The following KLHL2 variants were observed in gnomAD, a reference collection of about 807,000 sequenced individuals.
KLHL2 encodes kelch like family member 2, also known as kelch-like protein 2.
Under a neutral mutation model 75.8 loss-of-function variants are expected in KLHL2, and 15 were observed. The ratio of observed to expected loss-of-function variants is 0.20; its 90% CI spans 0.13 to 0.30. The LOEUF (loss-of-function observed/expected upper bound fraction) is 0.30, where lower values mean the gene tolerates loss of function less well. KLHL2 is among the 10% of genes least tolerant of loss of function. The pLI is 1.00. For missense variants in KLHL2, 381 were observed against 741.0 expected, an observed-to-expected ratio of 0.51 and a Z score of 5.64; for synonymous variants, 214 against 251.9, an observed-to-expected ratio of 0.85 and a Z score of 1.42.
intron 3 of KLHL2, among the ~76,000 whole-genome samples, chr4:165,235,726 A>T (rs1739292064): frequency 1.3e-5 from 2 of 151,842 alleles, no homozygotes; most frequent in Admixed American, 6.6e-5. Flanking sequence ...ACTGTACCTA[A>T]TCCAGCCATG....
rs1354843475 is a variant in KLHL2 at position 165,210,107 on chromosome 4, AAGTC to A, written c.26+2207_26+2210del. 6 of 1,551,588 alleles carry A rather than the reference AAGTC, an allele frequency of 3.9e-6. No individual in the cohort carries two copies. The East Asian group carries it at 9.8e-5, about 25-fold the overall frequency. ...AAGTTAGATTTTTAGCCTGAGCTTT[AAGTC>A]AAAGAAAGATGACCTGGACTTAAAG... On this transcript the variant is annotated intron_variant, in intron 1 of 14. Transcript: ENST00000226725.
At chr4:165,217,909 C>T (rs1292194138) in intron 1 of KLHL2, among the ~76,000 whole-genome samples, 1 of 152,164 alleles carries the variant, frequency 6.6e-6, no homozygotes, top group Non-Finnish European at 1.5e-5. Context: ...CAAACAGTTT[C>T]CACCTGCAGC....
intron 5 of KLHL2, chr4:165,278,982 A>G (rs764974276): frequency 6.7e-7 from 1 of 1,496,488 alleles, no homozygotes; most frequent in South Asian, 1.1e-5. Flanking sequence ...ATTCCAAAAA[A>G]TTCACAGAGT....
chr4:165,310,933 C>A (rs1006879259), intron 10 of KLHL2, among the ~76,000 whole-genome samples, 183 bp downstream of exon 10: 1 of 149,992 alleles, frequency 6.7e-6, no homozygotes, highest in African/African-American at 2.5e-5. Context: ...CGGCTCACTG[C>A]AAGCTCCGCC....
At chr4:165,264,755 TATATATATATAA>T (rs1560784330) in intron 5 of KLHL2, among the ~76,000 whole-genome samples, 70 of 90,802 alleles carry the variant, frequency 7.7e-4, no homozygotes, top group African/African-American at 3.2e-3. Flanking sequence ...TATATATATA[TATATATATATAA>T]AACATTATCC....
chr4:165,272,921 A>G (rs1742809495), intron 5 of KLHL2, among the ~76,000 whole-genome samples: 1 of 152,160 alleles, frequency 6.6e-6, no homozygotes, highest in African/African-American at 2.4e-5. Context: ...AGAAGCATTG[A>G]TTCTTCATTT....
chr4:165,291,921 C>A (rs915742351), intron 5 of KLHL2, among the ~76,000 whole-genome samples: 4 of 152,096 alleles, frequency 2.6e-5, no homozygotes, highest in African/African-American at 9.7e-5. Context: ...CCTCAAACTC[C>A]TCTGCTTAGG....
At chr4:165,260,215 A>ATCATAAAACCC (rs1741536949) in intron 4 of KLHL2, among the ~76,000 whole-genome samples, 2 of 152,226 alleles carry the variant, frequency 1.3e-5, no homozygotes, top group Non-Finnish European at 2.9e-5. Context: ...GTAAAACTAC[A>ATCATAAAACCC]TCATAAAACC....
At chr4:165,301,232 G>T (rs1745327575) in intron 8 of KLHL2, among the ~76,000 whole-genome samples, 1 of 152,164 alleles carries the variant, frequency 6.6e-6, no homozygotes, top group Admixed American at 6.5e-5. Flanking sequence ...AATTTGGCAT[G>T]ACTTTTTAAA....
In KLHL2 at chr4:165,322,318, T is replaced by C. The variant is rs1220645211; in HGVS notation, c.*258T>C. 2.3e-6 allele frequency: 1 copy of C among 428,608 alleles called. No individual in the cohort carries two copies. The highest frequency in any genetic ancestry group is 3.8e-5 in the East Asian group (1 of 26,110). The allele number at this position is 428,608 out of a possible 1,614,324, so 26.6% of individuals were successfully genotyped here. A position where few individuals can be genotyped will look rare whatever the true frequency, so the allele number is the denominator to read the frequency against. ...GGACTGCAGGACTTAATCTGTAGTC[T>C]TTAGACAACAGTTGCTTTCATAAAG... On this transcript the variant is annotated 3_prime_UTR_variant, in exon 15 of 15. Transcript: ENST00000226725.
At chr4:165,310,182 G>A (rs999585987) in intron 9 of KLHL2, among the ~76,000 whole-genome samples, 6 of 152,092 alleles carry the variant, frequency 3.9e-5, no homozygotes, top group Admixed American at 2.6e-4. Context: ...AAAATTAGTT[G>A]GGTGTGGTGG....
intron 1 of KLHL2, among the ~76,000 whole-genome samples, chr4:165,216,958 A>G (rs1013048503): frequency 5.9e-5 from 9 of 152,334 alleles, no homozygotes; most frequent in East Asian, 1.9e-4. Flanking sequence ...CAATGTGGGC[A>G]TTGATTGTTG....
intron 5 of KLHL2, among the ~76,000 whole-genome samples, chr4:165,268,116 T>G (rs1742386181): frequency 6.6e-6 from 1 of 152,356 alleles, no homozygotes; most frequent in South Asian, 2.1e-4. Context: ...TTTATAGTAT[T>G]CTCTCATGGT....
chr4:165,295,129 C>T (rs754351242), intron 6 of KLHL2, among the ~76,000 whole-genome samples: 2 of 152,108 alleles, frequency 1.3e-5, no homozygotes, highest in Non-Finnish European at 2.9e-5. Context: ...CTGCACTTTT[C>T]GTATAGTTGG....
chr4:165,321,972 T>C, intron 14 of KLHL2, 60 bp from the exon 15 acceptor site: 1 of 1,476,766 alleles, frequency 6.8e-7, no homozygotes, highest in Admixed American at 1.7e-5. Context: ...TTGAGTGTTT[T>C]CTCAGAGATA....
intron 4 of KLHL2, among the ~76,000 whole-genome samples, chr4:165,257,917 G>A (rs1513064): frequency 0.29 from 43,232 of 149,256 alleles, 6,659 homozygotes; most frequent in African/African-American, 0.36. Flanking sequence ...AAATGAAATG[G>A]AGCAGTGCTG....
chr4:165,208,813 A>G (rs1737013902), intron 1 of KLHL2, among the ~76,000 whole-genome samples: 1 of 152,162 alleles, frequency 6.6e-6, no homozygotes, highest in Admixed American at 6.5e-5. Context: ...CCTCATCCTG[A>G]AGAATGGTTT....
At position 165,301,737 on chromosome 4, in the gene KLHL2, A is replaced by T. The variant is rs557849525; in HGVS notation, c.921+2081A>T. On this transcript the variant is annotated intron_variant, in intron 8 of 14. Transcript: ENST00000226725. Reference sequence around the variant, plus strand: ...AAGTCTTTCCAACTTCCTTCTAAATAATGTGCTATATCTTTAATACTTTTT... The same window carrying T: ...AAGTCTTTCCAACTTCCTTCTAAATTATGTGCTATATCTTTAATACTTTTT... Among the ~76,000 whole-genome samples the T allele has an allele frequency of 2.0e-5, 3 of 152,324 alleles. No homozygotes were observed. The South Asian group carries it at 6.2e-4, about 32-fold the overall frequency.
At chr4:165,289,528 T>C (rs1744347442) in intron 5 of KLHL2, among the ~76,000 whole-genome samples, 1 of 149,492 alleles carries the variant, frequency 6.7e-6, no homozygotes, top group Non-Finnish European at 1.5e-5. Flanking sequence ...TTTTTTTTTT[T>C]TTGGTAAGTG....
Sources: gnomAD v4.1 joint callset for allele counts (sites outside exome capture counted in the v4.1 genomes callset) on GRCh38, gnomAD v4.1.1 for gene constraint, MANE v1.5 for transcripts, NCBI Gene and HGNC (gene_info 2026-07-23, HGNC 2026-07-21) for gene names.